ARHGAP15: variants seen among roughly 807,000 people sequenced by gnomAD.
ARHGAP15 encodes Rho GTPase activating protein 15, also known as rho GTPase-activating protein 15.
Under a neutral mutation model 63.7 loss-of-function variants are expected in ARHGAP15, and 51 were observed. That is an observed-to-expected ratio of 0.80 (90% CI 0.64 to 1.01). The LOEUF (loss-of-function observed/expected upper bound fraction) is 1.01, where lower values mean the gene tolerates loss of function less well. Ranked by LOEUF, ARHGAP15 falls within the 50% of genes least tolerant of loss-of-function variation. The pLI is 0.00. For missense variants in ARHGAP15, 560 were observed against 564.6 expected (o/e 0.99, Z 0.08); for synonymous variants, 191 against 193.8 (o/e 0.99, Z 0.12).
At chr2:143,649,834 G>C (rs1681073465) in intron 12 of ARHGAP15, among the ~76,000 whole-genome samples, 1 of 87,426 alleles carries the variant, frequency 1.1e-5, no homozygotes, top group African/African-American at 2.7e-5. Context: ...CTAGAACTCA[G>C]AGCTCCACCC....
At chr2:143,257,038 T>A (rs940626364) in intron 6 of ARHGAP15, among the ~76,000 whole-genome samples, 5 of 152,262 alleles carry the variant, frequency 3.3e-5, no homozygotes, top group African/African-American at 1.2e-4. Context: ...ATAATAAAAC[T>A]TTTTTAAAAA....
chr2:143,341,877 A>G (rs1372970132), intron 6 of ARHGAP15, among the ~76,000 whole-genome samples: 2 of 152,170 alleles, frequency 1.3e-5, no homozygotes, highest in Non-Finnish European at 2.9e-5. Flanking sequence ...CTTAACTCTC[A>G]GCAATTCTGC....
At chr2:143,158,517 A>C (rs1012001881) in intron 2 of ARHGAP15, among the ~76,000 whole-genome samples, 2 of 151,940 alleles carry the variant, frequency 1.3e-5, no homozygotes, top group Non-Finnish European at 2.9e-5. Context: ...TTAGACATCA[A>C]ATAATCATTC....
intron 6 of ARHGAP15, among the ~76,000 whole-genome samples, chr2:143,360,540 C>T (rs1181677850): frequency 6.6e-6 from 1 of 151,978 alleles, no homozygotes; most frequent in Non-Finnish European, 1.5e-5. Context: ...GATATATTTC[C>T]TCTGTCCAAG....
chr2:143,346,919 G>A (rs898312161), intron 6 of ARHGAP15, among the ~76,000 whole-genome samples: 3 of 151,990 alleles, frequency 2.0e-5, no homozygotes, highest in Non-Finnish European at 2.9e-5. Flanking sequence ...GAATTCTGCA[G>A]GCTTGCTATG....
At chr2:143,676,569 G>A (rs1275366403) in intron 12 of ARHGAP15, 1 of 152,140 alleles carries the variant, frequency 6.6e-6, no homozygotes, top group Non-Finnish European at 1.5e-5. Flanking sequence ...TATGCTGCAG[G>A]GAACAGGGAG....
At position 143,556,500 on chromosome 2, in the gene ARHGAP15, CT is replaced by C; in HGVS notation, c.1003+17del. ...TGTCAACCAAGGTAAGTGATTTCCA[CT>C]TCAGAGATTTTTTCAAACAGTTTCA... On this transcript the variant is annotated intron_variant, in intron 11 of 13. Transcript: ENST00000295095. The C allele has an allele frequency of 1.9e-6, 3 of 1,603,202 alleles. No individual in the cohort carries two copies. The highest frequency in any genetic ancestry group is 2.6e-6 in the Non-Finnish European group (3 of 1,171,228).
chr2:143,756,385 A>G (rs1395452283), intron 13 of ARHGAP15, among the ~76,000 whole-genome samples: 1 of 152,220 alleles, frequency 6.6e-6, no homozygotes. Context: ...ACTAGTTTTT[A>G]AATAGCTATA....
chr2:143,578,319 C>T (rs1171961672), intron 11 of ARHGAP15, among the ~76,000 whole-genome samples: 1 of 152,030 alleles, frequency 6.6e-6, no homozygotes, highest in Non-Finnish European at 1.5e-5. Context: ...CACATGTTGT[C>T]ATTCAAGTAC....
At chr2:143,644,036 G>A (rs113035628) in intron 12 of ARHGAP15, among the ~76,000 whole-genome samples, 84 of 152,178 alleles carry the variant, frequency 5.5e-4, no homozygotes, top group African/African-American at 1.9e-3. Flanking sequence ...GAGGGCCATG[G>A]CTGACACCTC....
At chr2:143,489,352 G>A (rs963446578) in intron 9 of ARHGAP15, among the ~76,000 whole-genome samples, 18 of 152,152 alleles carry the variant, frequency 1.2e-4, no homozygotes, top group Admixed American at 2.6e-4. Context: ...CACCATAACT[G>A]ACCAATGAGT....
At chr2:143,682,511 T>C (rs1683149127) in intron 12 of ARHGAP15, among the ~76,000 whole-genome samples, 1 of 152,204 alleles carries the variant, frequency 6.6e-6, no homozygotes, top group Non-Finnish European at 1.5e-5. Flanking sequence ...TGTATGTGTG[T>C]GCATGTGTAT....
chr2:143,645,246 A>G (rs1424824149), intron 12 of ARHGAP15, among the ~76,000 whole-genome samples: 1 of 152,114 alleles, frequency 6.6e-6, no homozygotes, highest in Non-Finnish European at 1.5e-5. Context: ...CCTTGATTCA[A>G]GAAAGAGAAA....
chr2:143,409,648 C>T (rs796412530), intron 6 of ARHGAP15, among the ~76,000 whole-genome samples: 10 of 152,078 alleles, frequency 6.6e-5, no homozygotes, highest in African/African-American at 2.2e-4. Context: ...GTGGCAGTTC[C>T]GTAGGAATAT....
chr2:143,508,151 T>C (rs899761430), intron 9 of ARHGAP15, among the ~76,000 whole-genome samples: 5 of 152,150 alleles, frequency 3.3e-5, no homozygotes, highest in Non-Finnish European at 5.9e-5. Context: ...CATTTTATGT[T>C]TTTTCCTCAG....
intron 12 of ARHGAP15, among the ~76,000 whole-genome samples, chr2:143,686,515 TA>T (rs1322133118): frequency 6.6e-6 from 1 of 151,542 alleles, no homozygotes; most frequent in Non-Finnish European, 1.5e-5. Context: ...TAATTCTATT[TA>T]AAATATTTCC....
In ARHGAP15 at chr2:143,627,358, G is replaced by C. The variant is rs146586333; in HGVS notation, c.1138+3091G>C. ...TACATTTACTAACCCACGTATTTTT[G>C]ATATAACCTTGAAGCTAGTCCTTGT... On this transcript the variant is annotated intron_variant, in intron 12 of 13. Coordinates refer to ENST00000295095, the MANE Select transcript of ARHGAP15 (RefSeq NM_018460.4). Among the ~76,000 whole-genome samples the C allele has an allele frequency of 2.4e-4, 36 of 152,204 alleles. No individual in the cohort carries two copies. The East Asian group carries it at 6.4e-3, about 27-fold the overall frequency.
At chr2:143,326,597 C>G (rs566191134) in intron 6 of ARHGAP15, among the ~76,000 whole-genome samples, 1 of 152,302 alleles carries the variant, frequency 6.6e-6, no homozygotes, top group South Asian at 2.1e-4. Flanking sequence ...GACCAATTTT[C>G]TGAGTTACTG....
At position 143,191,616 on chromosome 2, in the gene ARHGAP15, T is replaced by C. The variant is rs180690841; in HGVS notation, c.166-10518T>C. Among the ~76,000 whole-genome samples, 561 of 152,326 alleles carry C rather than the reference T, an allele frequency of 3.7e-3. 8 individuals carry two copies. The highest frequency in any genetic ancestry group is 6.0e-3 in the Non-Finnish European group (405 of 68,020). ...TAGTTGTATGTGATTCTTACTGTTA[T>C]AATCTTGGGATGTGACAAGTTGTGA... On this transcript the variant is annotated intron_variant, in intron 2 of 13. Transcript: ENST00000295095.
Sources: gnomAD v4.1 joint callset for allele counts (sites outside exome capture counted in the v4.1 genomes callset) on GRCh38, gnomAD v4.1.1 for gene constraint, MANE v1.5 for transcripts, NCBI Gene and HGNC (gene_info 2026-07-23, HGNC 2026-07-21) for gene names.